The following ARHGAP23 variants were observed in gnomAD, a reference collection of about 807,000 sequenced individuals.
ARHGAP23 encodes Rho GTPase activating protein 23.
ARHGAP23 carries 34 observed loss-of-function variants against 136.3 expected under a neutral mutation model. The observed-to-expected ratio is 0.25, with a 90% CI of 0.19 to 0.33. ARHGAP23 has a LOEUF of 0.33. Ranked by LOEUF, ARHGAP23 falls within the 10% of genes least tolerant of loss-of-function variation. The pLI is 1.00. For synonymous variants in ARHGAP23, 832 were observed against 920.5 expected (o/e 0.90, Z 1.74); for missense variants, 1,808 against 2,139.0 (o/e 0.85, Z 3.05).
intron 6 of ARHGAP23, among the ~76,000 whole-genome samples, chr17:38,463,798 T>C (rs570571342): frequency 1.3e-5 from 2 of 152,186 alleles, no homozygotes; most frequent in South Asian, 2.1e-4. Context: ...CCCACCGTCA[T>C]GTGCACCACA....
intron 9 of ARHGAP23, 67 bp from the exon 10 acceptor site, chr17:38,469,780 G>A: frequency 6.5e-7 from 1 of 1,535,768 alleles, no homozygotes; most frequent in Non-Finnish European, 8.8e-7. Flanking sequence ...GGGGTTTGGT[G>A]GGTGACGAGA....
intron 1 of ARHGAP23, among the ~76,000 whole-genome samples, chr17:38,422,445 G>A (rs1366212021): frequency 6.6e-6 from 1 of 152,180 alleles, no homozygotes; most frequent in African/African-American, 2.4e-5. Flanking sequence ...CGTGCCACCG[G>A]CCTTCCCTGA....
rs61999279 is a variant in ARHGAP23 at position 38,462,898 on chromosome 17, T to C, written c.306T>C (p.Asn102=). The C allele has an allele frequency of 1.5e-3, 2,295 of 1,537,484 alleles. 29 individuals carry two copies. In the African/African-American group the frequency reaches 0.029, roughly 19 times the overall value. ...LEPMDTIFVK[N]VKEDGPAHRA... ...CCATGGACACCATCTTTGTCAAGAATGTGAAGGAAGACGGCCCTGCCCATA... is the reference window on the plus strand; with the variant it reads ...CCATGGACACCATCTTTGTCAAGAACGTGAAGGAAGACGGCCCTGCCCATA... The change falls in exon 4 of 24, where the codon AAT becomes AAC. Residue 102 remains asparagine, a synonymous_variant. Transcript: ENST00000622683.
At position 38,463,384 on chromosome 17, in the gene ARHGAP23, T is replaced by A. The variant is rs1034782815; in HGVS notation, c.483+2T>A. ...AAGGACGAGGACATCCTCCAGCTGG[T>A]GAGTCCAGCCCCTGTGGCCTGAGAG... On this transcript the variant is annotated splice_donor_variant, in intron 6 of 23. Coordinates refer to ENST00000622683, the MANE Select transcript of ARHGAP23 (RefSeq NM_001199417.2). LOFTEE classifies it high-confidence loss of function. 1.3e-6 allele frequency: 2 copies of A among 1,551,624 alleles called. No individual in the cohort carries two copies. The highest frequency in any genetic ancestry group is 1.7e-6 in the Non-Finnish European group (2 of 1,146,944).
At chr17:38,499,025 C>T (rs77512225) in intron 22 of ARHGAP23, 207 of 698,636 alleles carry the variant, frequency 3.0e-4, no homozygotes, top group Non-Finnish European at 4.4e-4. Flanking sequence ...GTGGGCACAG[C>T]GGCAGGCAGA....
intron 6 of ARHGAP23, among the ~76,000 whole-genome samples, chr17:38,465,080 C>T (rs7502253): frequency 1.3e-5 from 2 of 148,788 alleles, no homozygotes; most frequent in Non-Finnish European, 3.0e-5. Flanking sequence ...TGGTCAGTGG[C>T]GGGGTTAGCC....
In ARHGAP23 at chr17:38,477,692, G is replaced by C. The variant is rs995440572; in HGVS notation, c.2232G>C (p.Ala744=). ...CCGGGCCGGCGGCGGCGGGGGCTGC[G>C]GCGGCCGGCGCAGGTGAGGACGAGG... ...REPGPAAAGA[A]AAGAGEDEAA... Residue 744 remains alanine, a synonymous_variant, in exon 12 of 24, where the codon GCG becomes GCC. Coordinates refer to ENST00000622683, the MANE Select transcript of ARHGAP23 (RefSeq NM_001199417.2). The surrounding 1 kb of genome is among the most constrained non-coding windows in gnomAD (Gnocchi z 6.6). 1.4e-6 allele frequency: 2 copies of C among 1,393,464 alleles called. No individual in the cohort carries two copies. Among genetic ancestry groups the C allele is most frequent in the Non-Finnish European group, 1.9e-6 (2 of 1,070,372 alleles). 86.3% of individuals were successfully genotyped at this position (1,393,464 alleles called of 1,614,324 possible). A position where few individuals can be genotyped will look rare whatever the true frequency, so the allele number is the denominator to read the frequency against.
intron 7 of ARHGAP23, among the ~76,000 whole-genome samples, chr17:38,468,685 G>C (rs1305025553): frequency 6.6e-6 from 1 of 152,216 alleles, no homozygotes; most frequent in Non-Finnish European, 1.5e-5. Flanking sequence ...TGTTTGAGGG[G>C]GAGATGTCAT....
intron 23 of ARHGAP23, among the ~76,000 whole-genome samples, chr17:38,505,915 T>G (rs924304320): frequency 1.3e-5 from 2 of 151,980 alleles, no homozygotes; most frequent in Non-Finnish European, 2.9e-5. Context: ...GGCAATAGAG[T>G]GAGACTCCGT....
intron 2 of ARHGAP23, among the ~76,000 whole-genome samples, chr17:38,459,255 C>T (rs565601380): frequency 1.3e-5 from 2 of 152,300 alleles, no homozygotes; most frequent in East Asian, 3.9e-4. Context: ...TGTCTGTGTT[C>T]GTGTGCTCAC....
intron 1 of ARHGAP23, among the ~76,000 whole-genome samples, chr17:38,422,301 G>A (rs975586956): frequency 5.3e-5 from 8 of 152,274 alleles, no homozygotes; most frequent in African/African-American, 1.9e-4. Context: ...TAAAGAGCTT[G>A]GCACATAGTG....
upstream of ARHGAP23, among the ~76,000 whole-genome samples, chr17:38,423,983 C>G (rs569099694): frequency 2.0e-5 from 3 of 152,252 alleles, no homozygotes. Flanking sequence ...ATGTGAGCCT[C>G]AAATCAGAGG....
chr17:38,426,550 C>CAAAAAAAAAAAAAAA (rs751365956), upstream of ARHGAP23, among the ~76,000 whole-genome samples: 311 of 51,196 alleles, frequency 6.1e-3, 18 homozygotes, highest in Non-Finnish European at 7.8e-3. Flanking sequence ...AACTCCATCT[C>CAAAAAAAAAAAAAAA]AAAAAAAAAA....
chr17:38,441,537 C>T (rs3885327), intron 1 of ARHGAP23, among the ~76,000 whole-genome samples: 41,093 of 152,122 alleles, frequency 0.27, 6,114 homozygotes, highest in South Asian at 0.37. Flanking sequence ...GAAACTGAGG[C>T]CCCAGAGAGG....
chr17:38,423,799 C>T (rs773694268), upstream of ARHGAP23, among the ~76,000 whole-genome samples: 5 of 152,152 alleles, frequency 3.3e-5, no homozygotes, highest in African/African-American at 9.7e-5. Flanking sequence ...GTGCAAGAAC[C>T]GCTGTCCCCT....
Position 38,466,953 on chromosome 17 carries a change from C to T in ARHGAP23, c.1270C>T (p.Pro424Ser), listed in dbSNP as rs1339763616. The T allele has an allele frequency of 1.2e-5, 18 of 1,550,552 alleles. No individual in the cohort carries two copies. Among genetic ancestry groups the T allele is most frequent in the Non-Finnish European group, 1.6e-5 (18 of 1,146,960 alleles). Residue 424 changes from proline (P) to serine (S), a missense_variant, in exon 7 of 24, where the codon CCA becomes TCA. Physicochemically the swap from Pro to Ser is moderately conservative, Grantham distance 74. Coordinates refer to ENST00000622683, the MANE Select transcript of ARHGAP23 (RefSeq NM_001199417.2). Reference sequence around the variant, plus strand: ...GTACATCGGCTACCGGAGCTACAGCCCATCATTCCAGCGCCGGACCGGCCT... The same window carrying T: ...GTACATCGGCTACCGGAGCTACAGCTCATCATTCCAGCGCCGGACCGGCCT... ...LGYIGYRSYS[P>S]SFQRRTGLLH...
chr17:38,435,245 A>G (rs1434526243), intron 1 of ARHGAP23, among the ~76,000 whole-genome samples: 1 of 152,034 alleles, frequency 6.6e-6, no homozygotes, highest in East Asian at 1.9e-4. Context: ...AGTCTCAGCT[A>G]CTCGGGAGGC....
In ARHGAP23 at chr17:38,510,258, C is replaced by A; in HGVS notation, c.3762C>A (p.Ser1254=). 1 of 1,318,262 alleles carries A rather than the reference C, an allele frequency of 7.6e-7. No homozygotes were observed. Among genetic ancestry groups the A allele is most frequent in the Non-Finnish European group, 9.7e-7 (1 of 1,034,518 alleles). 81.7% of individuals were successfully genotyped at this position (1,318,262 alleles called of 1,614,324 possible). A position where few individuals can be genotyped will look rare whatever the true frequency, so the allele number is the denominator to read the frequency against. ...TTGTGTCGGGCTACTCCACCCTGTC[C>A]ACCATGGACCGCAGCGTGTGCTCGG... is the stretch of plus-strand genomic sequence containing the variant. ...RSIVSGYSTL[S]TMDRSVCSGA... Residue 1254 remains serine, a synonymous_variant, in exon 24 of 24, where the codon TCC becomes TCA. Coordinates refer to ENST00000622683, the MANE Select transcript of ARHGAP23 (RefSeq NM_001199417.2). This position sits in a 1 kb window ranked among gnomAD's most constrained non-coding sequence, Gnocchi z 4.6.
intron 1 of ARHGAP23, among the ~76,000 whole-genome samples, chr17:38,437,120 A>G (rs2038814644): frequency 6.6e-6 from 1 of 152,222 alleles, no homozygotes; most frequent in Non-Finnish European, 1.5e-5. Flanking sequence ...ACCAAGCATC[A>G]AATTTCAAGC....
Sources: gnomAD v4.1 joint callset for allele counts (sites outside exome capture counted in the v4.1 genomes callset) on GRCh38, gnomAD v4.1.1 for gene constraint, Gnocchi (gnomAD v3.1) non-coding constraint, MANE v1.5 for transcripts, NCBI Gene and HGNC (gene_info 2026-07-23, HGNC 2026-07-21) for gene names.